The following P2RY8 variants were observed in gnomAD, a reference collection of about 807,000 sequenced individuals.
The protein encoded by P2RY8 is P2Y receptor family member 8, also known as S-geranylgeranyl-glutathione receptor P2RY8.
Under a neutral mutation model 10.0 loss-of-function variants are expected in P2RY8, and 6 were observed. The ratio of observed to expected loss-of-function variants is 0.60; its 90% CI spans 0.33 to 1.19. The LOEUF (loss-of-function observed/expected upper bound fraction) is 1.19. P2RY8 is among the 50% of genes most tolerant of loss of function. The pLI is 0.04. For missense variants in P2RY8, 456 were observed against 542.0 expected, an observed-to-expected ratio of 0.84 and a Z score of 1.58; for synonymous variants, 276 against 252.5, an observed-to-expected ratio of 1.09 and a Z score of -0.88.
At chrX:1,467,122 T>C (rs1406569624) in intron 1 of P2RY8, among the ~76,000 whole-genome samples, 6 of 151,994 alleles carry the variant, frequency 3.9e-5, no homozygotes, top group Non-Finnish European at 5.9e-5. Flanking sequence ...ACCCTGGCAG[T>C]ATTAGTCTGG....
In P2RY8 at chrX:1,518,399, G is replaced by A. The variant is rs1309042437; in HGVS notation, c.-25+18522C>T. ...TGAGACTGTGCCACTGCACTCCAGC[G>A]TGGGTGACAGAGCGAGACTCCGTCT... is the stretch of plus-strand genomic sequence containing the variant. On this transcript the variant is annotated intron_variant, in intron 1 of 1. Transcript: ENST00000381297. Among the ~76,000 whole-genome samples, 11 of 144,838 alleles carry A rather than the reference G, an allele frequency of 7.6e-5. No homozygotes were observed. The East Asian group carries it at 1.4e-3, about 19-fold the overall frequency.
chrX:1,465,317 G>T lies in P2RY8; in HGVS notation c.*162C>A. The T allele has an allele frequency of 8.2e-7, 1 of 1,214,942 alleles. No homozygotes were observed. Among genetic ancestry groups the T allele is most frequent in the Non-Finnish European group, 1.1e-6 (1 of 893,668 alleles). 75.3% of individuals were successfully genotyped at this position (1,214,942 alleles called of 1,614,324 possible). The stretch of plus-strand genomic sequence containing the variant: ...ACCCTTCCTCACCGGTGCCTCTGCA[G>T]TGCCTGGGAGGAATAAAGCCTGGAG... On this transcript the variant is annotated 3_prime_UTR_variant, in exon 2 of 2. Transcript: ENST00000381297.
chrX:1,536,807 A>G (rs1215773647), intron 1 of P2RY8, 114 bp downstream of exon 1: 2 of 196,234 alleles, frequency 1.0e-5, no homozygotes, highest in Admixed American at 6.1e-5. Context: ...AACACGCCTC[A>G]TGGAGTTTGC....
intron 1 of P2RY8, among the ~76,000 whole-genome samples, chrX:1,533,650 T>C (rs1174669823): frequency 2.4e-5 from 3 of 126,984 alleles, no homozygotes; most frequent in Non-Finnish European, 4.6e-5. Flanking sequence ...ATTTATTATT[T>C]ACATATTTAT....
At chrX:1,502,326 C>T (rs1376679604) in intron 1 of P2RY8, among the ~76,000 whole-genome samples, 11 of 152,192 alleles carry the variant, frequency 7.2e-5, no homozygotes, top group Non-Finnish European at 1.6e-4. Flanking sequence ...GTCATGTCCT[C>T]CCGGGGGGCA....
At chrX:1,477,039 A>G (rs2091882456) in intron 1 of P2RY8, among the ~76,000 whole-genome samples, 1 of 152,022 alleles carries the variant, frequency 6.6e-6, no homozygotes. Flanking sequence ...AAATACAAAA[A>G]CTAGCCAGGT....
chrX:1,506,897 C>A (rs1214672831), intron 1 of P2RY8, among the ~76,000 whole-genome samples: 1 of 151,856 alleles, frequency 6.6e-6, no homozygotes, highest in Non-Finnish European at 1.5e-5. Flanking sequence ...AGGATGGTCT[C>A]GATCTCCTGA....
intron 1 of P2RY8, among the ~76,000 whole-genome samples, chrX:1,506,230 C>A (rs191303186): frequency 1.7e-4 from 26 of 151,974 alleles, no homozygotes; most frequent in African/African-American, 5.8e-4. Context: ...TGACCTTAGA[C>A]GACCCGCCTG....
chrX:1,491,493 A>T (rs1374424130), intron 1 of P2RY8, among the ~76,000 whole-genome samples: 1 of 152,214 alleles, frequency 6.6e-6, no homozygotes, highest in Non-Finnish European at 1.5e-5. Context: ...TTTTCTCCCT[A>T]AAAGTGGAGT....
intron 1 of P2RY8, among the ~76,000 whole-genome samples, chrX:1,471,348 C>G (rs1385579344): frequency 8.7e-6 from 1 of 115,160 alleles, no homozygotes; most frequent in Admixed American, 1.1e-4. Flanking sequence ...TTAGTAACGA[C>G]GGGGTTTCAT....
At chrX:1,512,546 CA>C (rs573449530) in intron 1 of P2RY8, among the ~76,000 whole-genome samples, 1,281 of 97,034 alleles carry the variant, frequency 0.013, 16 homozygotes, top group African/African-American at 0.053. Flanking sequence ...GACTCCGTCT[CA>C]AAAAAAAAAA....
intron 1 of P2RY8, among the ~76,000 whole-genome samples, chrX:1,482,483 C>T (rs2091946109): frequency 1.3e-5 from 2 of 152,004 alleles, no homozygotes; most frequent in South Asian, 2.1e-4. Flanking sequence ...CAGGAAGGTT[C>T]GCAGGCTTGA....
chrX:1,485,527 C>A (rs2091978668), intron 1 of P2RY8, among the ~76,000 whole-genome samples: 2 of 150,998 alleles, frequency 1.3e-5, no homozygotes, highest in African/African-American at 4.9e-5. Flanking sequence ...ACTTTTGTTT[C>A]TCTTTTATAT....
intron 1 of P2RY8, among the ~76,000 whole-genome samples, chrX:1,521,086 C>G (rs2092387928): frequency 7.8e-6 from 1 of 128,750 alleles, no homozygotes; most frequent in Admixed American, 9.7e-5. Flanking sequence ...CCAGGCTGGA[C>G]TGCAGCGGTG....
chrX:1,492,656 A>G (rs1272646884), intron 1 of P2RY8, among the ~76,000 whole-genome samples: 1 of 152,156 alleles, frequency 6.6e-6, no homozygotes, highest in Non-Finnish European at 1.5e-5. Flanking sequence ...CCTTGACTTC[A>G]GCTAGCTCGA....
At chrX:1,509,303 A>G (rs1382712120) in intron 1 of P2RY8, among the ~76,000 whole-genome samples, 1 of 146,088 alleles carries the variant, frequency 6.8e-6, no homozygotes, top group Non-Finnish European at 1.5e-5. Context: ...CTATCCATCT[A>G]TTCATCCATC....
Position 1,463,055 on chromosome X carries a change from T to C in P2RY8, c.*2424A>G, listed in dbSNP as rs2091607761. 4.3e-6 allele frequency: 1 copy of C among 233,088 alleles called. No individual in the cohort carries two copies. The highest frequency in any genetic ancestry group is 1.8e-4 in the South Asian group (1 of 5,520). The allele number at this position is 233,088 out of a possible 1,614,324, so 14.4% of individuals were successfully genotyped here. A position where few individuals can be genotyped will look rare whatever the true frequency, so the allele number is the denominator to read the frequency against. On this transcript the variant is annotated 3_prime_UTR_variant, in exon 2 of 2. Coordinates refer to ENST00000381297, the MANE Select transcript of P2RY8 (RefSeq NM_178129.5). ...GGGACGTCAGGGTTCTCGCACGTTG[T>C]CGAGGAAGGATATTGTCTCGGCTTC...
chrX:1,513,065 C>T (rs1206045930), intron 1 of P2RY8, among the ~76,000 whole-genome samples: 1 of 150,164 alleles, frequency 6.7e-6, no homozygotes, highest in Non-Finnish European at 1.5e-5. Context: ...TGTTCCCCTC[C>T]CTGTGTCTGT....
intron 1 of P2RY8, among the ~76,000 whole-genome samples, chrX:1,521,942 C>CT (rs1189470045): frequency 4.1e-5 from 2 of 48,694 alleles, no homozygotes; most frequent in South Asian, 1.6e-3. Context: ...CTCTCTCGCT[C>CT]TCTTTTTTTT....
Sources: allele counts gnomAD v4.1 joint callset (sites outside exome capture counted in the v4.1 genomes callset), GRCh38; gene constraint gnomAD v4.1.1; transcripts MANE v1.5; gene names NCBI Gene and HGNC (gene_info 2026-07-23, HGNC 2026-07-21).